The following ITGA9 variants were observed in gnomAD, a reference collection of about 807,000 sequenced individuals.
ITGA9 encodes integrin subunit alpha 9, also known as integrin alpha-9.
ITGA9 carries 56 observed loss-of-function variants against 127.8 expected under a neutral mutation model. The observed-to-expected ratio is 0.44, with a 90% CI of 0.35 to 0.55. The LOEUF (loss-of-function observed/expected upper bound fraction) is 0.55, where lower values mean the gene tolerates loss of function less well. Among genes scored for constraint, ITGA9 ranks in the 20% least tolerant of loss-of-function variants. ITGA9 has a pLI of 0.00. For missense variants in ITGA9, 1,196 were observed against 1,347.1 expected (o/e 0.89, Z 1.76); for synonymous variants, 508 against 514.5 (o/e 0.99, Z 0.17).
chr3:37,756,159 CAA>C (rs35974802), intron 23 of ITGA9, among the ~76,000 whole-genome samples: 1 of 142,378 alleles, frequency 7.0e-6, no homozygotes, highest in Non-Finnish European at 1.5e-5. Context: ...GTAAGGCATT[CAA>C]AAAAAAAAGG....
At chr3:37,686,605 G>A (rs534641048) in intron 18 of ITGA9, among the ~76,000 whole-genome samples, 12 of 152,146 alleles carry the variant, frequency 7.9e-5, no homozygotes, top group Non-Finnish European at 1.6e-4. Flanking sequence ...TTGAATTCCA[G>A]CAACCTTTGA....
intron 8 of ITGA9, among the ~76,000 whole-genome samples, chr3:37,512,426 G>A (rs928899200): frequency 6.6e-6 from 1 of 151,448 alleles, no homozygotes; most frequent in Non-Finnish European, 1.5e-5. Flanking sequence ...CACCATGTTG[G>A]CCAGGCTGGT....
At chr3:37,790,938 G>T (rs4679005) in intron 26 of ITGA9, 1 of 151,992 alleles carries the variant, frequency 6.6e-6, no homozygotes, top group Admixed American at 6.5e-5. Context: ...CAGGAGAAAC[G>T]TAGTTAATCA....
intron 15 of ITGA9, among the ~76,000 whole-genome samples, chr3:37,554,492 G>A (rs542810141): frequency 6.6e-6 from 1 of 152,132 alleles, no homozygotes; most frequent in South Asian, 2.1e-4. Context: ...GAGGGATCTG[G>A]GCAGGGTGGT....
intron 5 of ITGA9, among the ~76,000 whole-genome samples, chr3:37,496,705 CCCTTGG>C (rs1487118521): frequency 1.3e-5 from 2 of 152,176 alleles, no homozygotes; most frequent in African/African-American, 4.8e-5. Context: ...CAAATGCCTT[CCCTTGG>C]CCTCCCAGCC....
chr3:37,564,672 A>G (rs549268523), intron 15 of ITGA9, among the ~76,000 whole-genome samples: 2 of 152,336 alleles, frequency 1.3e-5, no homozygotes, highest in South Asian at 4.1e-4. Context: ...CATCATCAAG[A>G]TGGATATACT....
Position 37,452,402 on chromosome 3 carries a change from G to T in ITGA9, c.28G>T (p.Ala10Ser), listed in dbSNP as rs1271573212. 1.4e-6 allele frequency: 2 copies of T among 1,398,622 alleles called. No individual in the cohort carries two copies. Among genetic ancestry groups the T allele is most frequent in the Non-Finnish European group, 9.3e-7 (1 of 1,074,406 alleles). The allele number at this position is 1,398,622 out of a possible 1,614,324, so 86.6% of individuals were successfully genotyped here. A position where few individuals can be genotyped will look rare whatever the true frequency, so the allele number is the denominator to read the frequency against. ...GGGCGGCCCGGCTGCGCCGAGGGGCGCCGGGAGGCTCCGCGCGCTGCTGCT... is the reference window on the plus strand; with the variant it reads ...GGGCGGCCCGGCTGCGCCGAGGGGCTCCGGGAGGCTCCGCGCGCTGCTGCT... The part of the protein sequence containing the change: MGGPAAPRG[A>S]GRLRALLLAL... Residue 10 changes from alanine (A) to serine (S), a missense_variant, in exon 1 of 28, where the codon GCC becomes TCC. By Grantham distance (99) the Ala-to-Ser change is moderately conservative (BLOSUM62 1). Coordinates refer to ENST00000264741, the MANE Select transcript of ITGA9 (RefSeq NM_002207.3). This position sits in a 1 kb window ranked among gnomAD's most constrained non-coding sequence, Gnocchi z 7.3.
At chr3:37,768,810 A>C (rs891226295) in intron 23 of ITGA9, among the ~76,000 whole-genome samples, 2 of 151,738 alleles carry the variant, frequency 1.3e-5, no homozygotes, top group African/African-American at 4.8e-5. Flanking sequence ...TTACCCAAAA[A>C]CCACACTGGG....
intron 4 of ITGA9, among the ~76,000 whole-genome samples, chr3:37,485,381 G>A (rs1189197553): frequency 1.3e-5 from 2 of 152,034 alleles, no homozygotes; most frequent in African/African-American, 4.8e-5. Context: ...GAAAGACCGT[G>A]GGAGGGGCTG....
chr3:37,714,546 A>G (rs1701113714), intron 18 of ITGA9, among the ~76,000 whole-genome samples: 1 of 152,064 alleles, frequency 6.6e-6, no homozygotes, highest in African/African-American at 2.4e-5. Flanking sequence ...CTCTCCTATG[A>G]GACCATCCTC....
At chr3:37,572,933 G>A (rs7617370) in intron 15 of ITGA9, among the ~76,000 whole-genome samples, 87,753 of 152,010 alleles carry the variant, frequency 0.58, 25,846 homozygotes, top group East Asian at 0.75. Flanking sequence ...AGATGTGTAG[G>A]CTTTGGTAAG....
At chr3:37,754,523 T>C (rs1271799818) in intron 23 of ITGA9, among the ~76,000 whole-genome samples, 1 of 152,236 alleles carries the variant, frequency 6.6e-6, no homozygotes, top group South Asian at 2.1e-4. Flanking sequence ...GCAAAACCAA[T>C]TGAAAATATT....
chr3:37,506,148 G>A (rs1698841904), intron 7 of ITGA9, 63 bp downstream of exon 7: 6 of 1,252,102 alleles, frequency 4.8e-6, no homozygotes, highest in Non-Finnish European at 4.6e-6. Context: ...GCTGTCCCTG[G>A]TGCAGAGGTT....
At chr3:37,529,595 G>A (rs547968559) in intron 13 of ITGA9, among the ~76,000 whole-genome samples, 26 of 152,240 alleles carry the variant, frequency 1.7e-4, no homozygotes, top group Non-Finnish European at 2.9e-4. Flanking sequence ...CTCTAGATCA[G>A]TGATTAGGCC....
chr3:37,486,582 A>G (rs145762214), intron 4 of ITGA9, among the ~76,000 whole-genome samples: 2 of 152,364 alleles, frequency 1.3e-5, no homozygotes, highest in African/African-American at 4.8e-5. Context: ...AAATATTCTC[A>G]GAAGGTGTCT....
chr3:37,474,928 T>A (rs1401112723), intron 3 of ITGA9, among the ~76,000 whole-genome samples: 1 of 152,250 alleles, frequency 6.6e-6, no homozygotes, highest in Non-Finnish European at 1.5e-5. Context: ...AATTCCGTCC[T>A]CAGCACAATT....
chr3:37,599,218 A>G (rs1171009768), intron 15 of ITGA9, among the ~76,000 whole-genome samples: 2 of 152,202 alleles, frequency 1.3e-5, no homozygotes, highest in Non-Finnish European at 2.9e-5. Context: ...GCCATTTATT[A>G]TTGTGTATAA....
At chr3:37,741,589 G>C in intron 20 of ITGA9, 141 bp from the exon 21 acceptor site, 1 of 715,550 alleles carries the variant, frequency 1.4e-6, no homozygotes, top group East Asian at 2.7e-5. Context: ...TATGTACAGG[G>C]ACCAAAAACA....
At chr3:37,552,320 A>T (rs1250727396) in intron 15 of ITGA9, among the ~76,000 whole-genome samples, 1 of 152,092 alleles carries the variant, frequency 6.6e-6, no homozygotes, top group Admixed American at 6.6e-5. Context: ...TGGCCCCTGA[A>T]GCCTCATTGC....
Sources: allele counts gnomAD v4.1 joint callset (sites outside exome capture counted in the v4.1 genomes callset), GRCh38; gene constraint gnomAD v4.1.1; non-coding constraint Gnocchi (gnomAD v3.1); transcripts MANE v1.5; gene names NCBI Gene and HGNC (gene_info 2026-07-23, HGNC 2026-07-21).